Variants in CNTN3 observed in about 807,000 individuals in gnomAD.
CNTN3 encodes the protein contactin-3.
Under a neutral mutation model 119.1 loss-of-function variants are expected in CNTN3, and 60 were observed. The ratio of observed to expected loss-of-function variants is 0.50; its 90% CI spans 0.41 to 0.62. The LOEUF (loss-of-function observed/expected upper bound fraction) is 0.62. CNTN3 is among the 20% of genes least tolerant of loss of function. The pLI is 0.00. For missense variants in CNTN3, 1,101 were observed against 1,242.4 expected (o/e 0.89, Z 1.71); for synonymous variants, 450 against 438.7 (o/e 1.03, Z -0.32).
chr3:74,448,444 T>C lies in CNTN3; in HGVS notation c.359-23504A>G, dbSNP rs116093899. 7.6e-3 allele frequency among the ~76,000 whole-genome samples: 1,156 copies of C among 152,268 alleles called. 11 individuals carry two copies. The highest frequency in any genetic ancestry group is 0.026 in the African/African-American group (1,099 of 41,554). ...CATCCTTATTCTCCAAAATGTGTAT[T>C]GTATTATTTTAGTTCATGTTATTAC... On this transcript the variant is annotated intron_variant, in intron 4 of 22. Coordinates refer to ENST00000263665, the MANE Select transcript of CNTN3 (RefSeq NM_020872.3).
At chr3:74,396,213 G>A (rs576536132) in intron 5 of CNTN3, among the ~76,000 whole-genome samples, 1 of 152,336 alleles carries the variant, frequency 6.6e-6, no homozygotes, top group Non-Finnish European at 1.5e-5. Context: ...CAATGATTAA[G>A]TGTAGTAGGG....
intron 11 of CNTN3, among the ~76,000 whole-genome samples, chr3:74,342,747 T>G (rs908592647): frequency 7.2e-5 from 11 of 152,172 alleles, no homozygotes; most frequent in African/African-American, 2.7e-4. Context: ...GAATAGTTTT[T>G]CCTACTAAAA....
At chr3:74,596,585 G>A (rs1487061889) in intron 1 of CNTN3, among the ~76,000 whole-genome samples, 1 of 152,052 alleles carries the variant, frequency 6.6e-6, no homozygotes, top group Non-Finnish European at 1.5e-5. Context: ...AAGAAACAGG[G>A]AAAGGATTCC....
chr3:74,588,526 C>T (rs1004541557), intron 1 of CNTN3, among the ~76,000 whole-genome samples: 1 of 152,148 alleles, frequency 6.6e-6, no homozygotes, highest in African/African-American at 2.4e-5. Flanking sequence ...AATGGCCATA[C>T]TGCCCAAGGT....
intron 4 of CNTN3, among the ~76,000 whole-genome samples, chr3:74,463,339 C>T (rs534736900): frequency 8.0e-4 from 122 of 152,080 alleles, no homozygotes; most frequent in Non-Finnish European, 1.1e-3. Context: ...AACTTCAATA[C>T]GAATAGACAT....
chr3:74,387,046 C>A (rs902924825), intron 5 of CNTN3, among the ~76,000 whole-genome samples: 1 of 152,078 alleles, frequency 6.6e-6, no homozygotes, highest in Admixed American at 6.5e-5. Context: ...CAGTGGAAAG[C>A]GATGCAAGCA....
At chr3:74,589,030 C>T (rs1452657159) in intron 1 of CNTN3, among the ~76,000 whole-genome samples, 2 of 151,594 alleles carry the variant, frequency 1.3e-5, no homozygotes, top group Non-Finnish European at 2.9e-5. Context: ...CATTACCATT[C>T]AGGACATAGG....
chr3:74,440,312 A>G (rs897602123), intron 4 of CNTN3, among the ~76,000 whole-genome samples: 1 of 152,136 alleles, frequency 6.6e-6, no homozygotes, highest in Non-Finnish European at 1.5e-5. Context: ...AGTGATTCCA[A>G]TAAGAGATCT....
At chr3:74,288,246 C>A (rs1351724532) in intron 19 of CNTN3, among the ~76,000 whole-genome samples, 1 of 150,854 alleles carries the variant, frequency 6.6e-6, no homozygotes, top group Non-Finnish European at 1.5e-5. Flanking sequence ...GCAATCTCCA[C>A]CTCCTGGGTT....
intron 19 of CNTN3, among the ~76,000 whole-genome samples, chr3:74,289,165 C>G (rs1410180812): frequency 6.6e-6 from 1 of 152,148 alleles, no homozygotes; most frequent in Non-Finnish European, 1.5e-5. Flanking sequence ...TAAATCATTA[C>G]TGAAACTAAG....
At chr3:74,357,396 G>A (rs568920004) in intron 11 of CNTN3, among the ~76,000 whole-genome samples, 4 of 152,140 alleles carry the variant, frequency 2.6e-5, no homozygotes, top group African/African-American at 9.7e-5. Flanking sequence ...TGATTCTCCT[G>A]CTTCAGCCTC....
chr3:74,380,096 G>A lies in CNTN3; in HGVS notation c.455-8697C>T, dbSNP rs566957271. Among the ~76,000 whole-genome samples the A allele has an allele frequency of 3.4e-4, 52 of 152,274 alleles. No homozygotes were observed. The South Asian group carries it at 9.3e-3, about 27-fold the overall frequency. ...ACAGCACTGGCACTTCAGATAGAAC[G>A]AACTGGGAAATACAATGCATTTCTT... On this transcript the variant is annotated intron_variant, in intron 5 of 22. Transcript: ENST00000263665.
chr3:74,272,770 C>A (rs1701804096), intron 20 of CNTN3, among the ~76,000 whole-genome samples: 1 of 152,114 alleles, frequency 6.6e-6, no homozygotes, highest in African/African-American at 2.4e-5. Context: ...ATACTAACAT[C>A]ACAAACAAAG....
At chr3:74,369,115 C>A in intron 8 of CNTN3, 74 bp downstream of exon 8, 2 of 1,172,838 alleles carry the variant, frequency 1.7e-6, no homozygotes, top group East Asian at 5.4e-5. Context: ...ATCTCTCACC[C>A]CTAAATAACA....
chr3:74,542,181 G>T (rs1330089788), intron 1 of CNTN3, among the ~76,000 whole-genome samples: 1 of 152,118 alleles, frequency 6.6e-6, no homozygotes, highest in East Asian at 1.9e-4. Context: ...GTTGCAGTGA[G>T]CTCATTGCAC....
At chr3:74,273,750 A>G (rs1196571678) in intron 20 of CNTN3, among the ~76,000 whole-genome samples, 1 of 152,212 alleles carries the variant, frequency 6.6e-6, no homozygotes, top group Admixed American at 6.5e-5. Context: ...GGAAACCACC[A>G]CAAGAAGGAA....
chr3:74,576,405 T>C (rs1216592993), intron 1 of CNTN3, among the ~76,000 whole-genome samples: 1 of 151,930 alleles, frequency 6.6e-6, no homozygotes, highest in East Asian at 1.9e-4. Flanking sequence ...CAAGTAAAAA[T>C]GGAACAACAG....
At chr3:74,311,350 C>T (rs1218388436) in intron 13 of CNTN3, among the ~76,000 whole-genome samples, 1 of 151,722 alleles carries the variant, frequency 6.6e-6, no homozygotes, top group South Asian at 2.1e-4. Flanking sequence ...CTGTAACTAT[C>T]GATAGACTAT....
chr3:74,545,900 G>T (rs1410364292), intron 1 of CNTN3, among the ~76,000 whole-genome samples: 2 of 152,064 alleles, frequency 1.3e-5, no homozygotes, highest in Non-Finnish European at 2.9e-5. Context: ...TGAGACTAGG[G>T]TCCAATCTCT....
Sources: gnomAD v4.1 joint callset for allele counts (sites outside exome capture counted in the v4.1 genomes callset) on GRCh38, gnomAD v4.1.1 for gene constraint, MANE v1.5 for transcripts, NCBI Gene and HGNC (gene_info 2026-07-23, HGNC 2026-07-21) for gene names.